The following CST7 variants were observed in gnomAD, a reference collection of about 807,000 sequenced individuals.
The protein encoded by CST7 is cystatin F.
CST7 carries 15 observed loss-of-function variants against 13.1 expected under a neutral mutation model. The ratio of observed to expected loss-of-function variants is 1.14; its 90% CI spans 0.77 to 1.76. CST7 has a LOEUF of 1.76. CST7 is among the 40% of genes most tolerant of loss of function. CST7 has a pLI of 0.00. For synonymous variants in CST7, 75 were observed against 66.9 expected (o/e 1.12, Z -0.59); for missense variants, 193 against 178.8 (o/e 1.08, Z -0.45).
chr20:24,957,607 G>A (rs1215550227), intron 2 of CST7, 148 bp downstream of exon 2: 3 of 783,240 alleles, frequency 3.8e-6, no homozygotes, highest in East Asian at 5.2e-5. Context: ...ACAAGGGGTG[G>A]GAGTGGACAG....
chr20:24,951,266 G>A (rs540450442), intron 1 of CST7, among the ~76,000 whole-genome samples: 11 of 152,252 alleles, frequency 7.2e-5, no homozygotes, highest in African/African-American at 1.9e-4. Flanking sequence ...ACTGCACCCC[G>A]TCTCCGGCCC....
At chr20:24,955,772 CA>C (rs776871634) in intron 1 of CST7, among the ~76,000 whole-genome samples, 6 of 152,172 alleles carry the variant, frequency 3.9e-5, no homozygotes, top group Admixed American at 2.6e-4. Context: ...GCAGCAGTTT[CA>C]GGGGGGATGT....
At chr20:24,950,504 C>T (rs940992556) in intron 1 of CST7, among the ~76,000 whole-genome samples, 1 of 152,210 alleles carries the variant, frequency 6.6e-6, no homozygotes, top group Non-Finnish European at 1.5e-5. Context: ...GTCGAGCTCC[C>T]AGGCCTGGCC....
chr20:24,949,726 A>AGGGGCTC, intron 1 of CST7, 151 bp downstream of exon 1: 2 of 1,047,872 alleles, frequency 1.9e-6, no homozygotes, highest in Non-Finnish European at 1.4e-6. Context: ...GAGAGGGGCA[A>AGGGGCTC]GGGGCTCCAT....
chr20:24,958,937 G>A lies in CST7; in HGVS notation c.253G>A (p.Gly85Ser), dbSNP rs377221759. ...ITRALVQIVK[G>S]LKYMLEVEIG... is the part of the protein sequence containing the mutation. ...CCTTTGCTCCCTCCAGATAGTGAAA[G>A]GCCTGAAATATATGCTGGAGGTGGA... The change falls in exon 3 of 4, where the codon GGC becomes AGC. Residue 85 changes from glycine to serine, a missense_variant. Transcript: ENST00000480798. 2 of 1,613,328 alleles carry A rather than the reference G, an allele frequency of 1.2e-6. No homozygotes were observed. Among genetic ancestry groups the A allele is most frequent in the Non-Finnish European group, 1.7e-6 (2 of 1,179,322 alleles).
intron 1 of CST7, among the ~76,000 whole-genome samples, chr20:24,956,864 G>A (rs935793422): frequency 1.8e-4 from 27 of 151,690 alleles, no homozygotes; most frequent in East Asian, 3.9e-4. Context: ...GACATGTTCC[G>A]CTTTTAACAC....
intron 1 of CST7, among the ~76,000 whole-genome samples, chr20:24,956,352 G>A (rs754257117): frequency 4.6e-5 from 7 of 152,118 alleles, no homozygotes; most frequent in African/African-American, 9.7e-5. Flanking sequence ...TATGAAGCCT[G>A]TCCCCTCCCA....
intron 2 of CST7, among the ~76,000 whole-genome samples, chr20:24,958,313 A>G (rs1028870586): frequency 5.3e-5 from 8 of 152,048 alleles, no homozygotes; most frequent in Non-Finnish European, 1.0e-4. Flanking sequence ...TTCTCCGGGT[A>G]GGCCAGTGGG....
At chr20:24,951,024 G>A (rs2087815620) in intron 1 of CST7, among the ~76,000 whole-genome samples, 1 of 152,214 alleles carries the variant, frequency 6.6e-6, no homozygotes, top group African/African-American at 2.4e-5. Context: ...GCAGGCTAGG[G>A]ACTATAACAG....
chr20:24,952,645 T>C (rs1208652816), intron 1 of CST7, among the ~76,000 whole-genome samples: 1 of 152,184 alleles, frequency 6.6e-6, no homozygotes, highest in Non-Finnish European at 1.5e-5. Context: ...CCTTATGCTC[T>C]GGGTGATGGG....
intron 1 of CST7, among the ~76,000 whole-genome samples, chr20:24,951,312 C>G (rs1007558734): frequency 2.6e-5 from 4 of 152,220 alleles, no homozygotes; most frequent in African/African-American, 9.6e-5. Flanking sequence ...GGGGAAGGCA[C>G]AGGCATGGAG....
intron 1 of CST7, among the ~76,000 whole-genome samples, chr20:24,952,089 G>T (rs751460624): frequency 6.6e-6 from 1 of 152,250 alleles, no homozygotes; most frequent in Non-Finnish European, 1.5e-5. Flanking sequence ...TACGTGGCAA[G>T]ATTTGTTTTT....
chr20:24,949,275 C>A lies in CST7; in HGVS notation c.-231C>A. ...CCCTGGGCTGGGACAGCCCACTGTTCCATGCTGCCCAAGAAGGCTCAGCAC... is the reference window on the plus strand; with the variant it reads ...CCCTGGGCTGGGACAGCCCACTGTTACATGCTGCCCAAGAAGGCTCAGCAC... On this transcript the variant is annotated 5_prime_UTR_variant, in exon 1 of 4. Coordinates refer to ENST00000480798, the MANE Select transcript of CST7 (RefSeq NM_003650.4). 1 of 1,330,834 alleles carries A rather than the reference C, an allele frequency of 7.5e-7. No homozygotes were observed. Among genetic ancestry groups the A allele is most frequent in the Non-Finnish European group, 1.0e-6 (1 of 992,426 alleles). The allele number at this position is 1,330,834 out of a possible 1,614,324, so 82.4% of individuals were successfully genotyped here.
rs62215084 is a variant in CST7 at position 24,953,166 on chromosome 20, C to A, written c.70+3591C>A. Among the ~76,000 whole-genome samples, 57 of 152,318 alleles carry A rather than the reference C, an allele frequency of 3.7e-4. No homozygotes were observed. The South Asian group carries it at 0.011, about 30-fold the overall frequency. On this transcript the variant is annotated intron_variant, in intron 1 of 3. Coordinates refer to ENST00000480798, the MANE Select transcript of CST7 (RefSeq NM_003650.4). ...GCACACTGGTCCTCGGGCACCCGGA[C>A]AGGACTTTGCCCCATGCACACAGCC...
At position 24,949,498 on chromosome 20, in the gene CST7, G is replaced by T; in HGVS notation, c.-8G>T. The T allele has an allele frequency of 1.9e-6, 3 of 1,614,078 alleles. No individual in the cohort carries two copies. Among genetic ancestry groups the T allele is most frequent in the African/African-American group, 2.7e-5 (2 of 75,052 alleles). ...CAACTGCCCCGCACTGTCCCTACCC[G>T]GGCAGCCATGCGAGCGGCTGGAACT... On this transcript the variant is annotated 5_prime_UTR_variant, in exon 1 of 4. Transcript: ENST00000480798.
chr20:24,957,173 G>C (rs2087863652), intron 1 of CST7, 114 bp from the exon 2 acceptor site: 3 of 1,027,648 alleles, frequency 2.9e-6, no homozygotes, highest in African/African-American at 1.8e-5. Context: ...GGTGGGTAGG[G>C]CCAGGACACA....
At chr20:24,952,392 CCTGT>C (rs1335737835) in intron 1 of CST7, among the ~76,000 whole-genome samples, 1 of 152,176 alleles carries the variant, frequency 6.6e-6, no homozygotes, top group South Asian at 2.1e-4. Flanking sequence ...AGCTCAGTGT[CCTGT>C]CTGTGCCAGG....
At chr20:24,956,740 G>A (rs564167601) in intron 1 of CST7, among the ~76,000 whole-genome samples, 131 of 152,020 alleles carry the variant, frequency 8.6e-4, no homozygotes, top group Admixed American at 4.2e-3. Flanking sequence ...CGAGGACGGC[G>A]CCATCTCCTT....
intron 1 of CST7, among the ~76,000 whole-genome samples, chr20:24,956,626 C>G (rs974846613): frequency 2.0e-5 from 3 of 152,122 alleles, no homozygotes; most frequent in African/African-American, 7.2e-5. Context: ...CCTGGAAAGT[C>G]AGGAGGCAGC....
Sources: allele counts gnomAD v4.1 joint callset (sites outside exome capture counted in the v4.1 genomes callset), GRCh38; gene constraint gnomAD v4.1.1; transcripts MANE v1.5; gene names NCBI Gene and HGNC (gene_info 2026-07-23, HGNC 2026-07-21).